The following LIPJ variants were observed in gnomAD, a reference collection of about 807,000 sequenced individuals.
The protein encoded by LIPJ is lipase member J.
In LIPJ, 33 loss-of-function variants were observed where a neutral mutation model predicts 39.8. The observed-to-expected ratio is 0.83, with a 90% CI of 0.63 to 1.11. The LOEUF (loss-of-function observed/expected upper bound fraction) is 1.11, where lower values mean the gene tolerates loss of function less well. Ranked by LOEUF, LIPJ falls within the 50% of genes least tolerant of loss-of-function variation. The pLI, the probability that LIPJ is intolerant of heterozygous loss-of-function variation, is 0.00. For missense variants in LIPJ, 422 were observed against 427.9 expected (o/e 0.99, Z 0.12); for synonymous variants, 128 against 139.2 (o/e 0.92, Z 0.57).
At position 88,596,427 on chromosome 10, in the gene LIPJ, C is replaced by T. The variant is rs1851257738; in HGVS notation, c.576+11C>T. The T allele has an allele frequency of 1.3e-6, 2 of 1,487,774 alleles. No individual in the cohort carries two copies. Among genetic ancestry groups the T allele is most frequent in the Non-Finnish European group, 1.8e-6 (2 of 1,118,386 alleles). The allele number at this position is 1,487,774 out of a possible 1,614,324, so 92.2% of individuals were successfully genotyped here. On this transcript the variant is annotated intron_variant, in intron 7 of 10. Coordinates refer to ENST00000371939, the Ensembl canonical transcript of LIPJ. ...AAGTCAATAGTCATGGTATGTTCTACCTTTATTTTATGTCATTGATAACCC... is the reference window on the plus strand; with the variant it reads ...AAGTCAATAGTCATGGTATGTTCTATCTTTATTTTATGTCATTGATAACCC...
chr10:88,586,411 TC>T (rs1850922743), upstream of LIPJ, among the ~76,000 whole-genome samples: 1 of 152,066 alleles, frequency 6.6e-6, no homozygotes, highest in South Asian at 2.1e-4. Context: ...ATTTATTTTT[TC>T]CTAATCACCT....
upstream of LIPJ, chr10:88,583,293 G>C: frequency 6.5e-7 from 1 of 1,533,000 alleles, no homozygotes; most frequent in Admixed American, 1.9e-5. Flanking sequence ...CTTTGGTTCC[G>C]TGCTCCCTGG....
At chr10:88,612,959 T>C in the LIPJ span, among the ~76,000 whole-genome samples, 1 of 152,210 alleles carries the variant, frequency 6.6e-6, no homozygotes, top group African/African-American at 2.4e-5. Context: ...ACATGGAACA[T>C]TCTTCAAGAT....
the LIPJ span, among the ~76,000 whole-genome samples, chr10:88,617,304 T>C: frequency 1.3e-4 from 20 of 152,186 alleles, no homozygotes; most frequent in Admixed American, 1.2e-3. Flanking sequence ...CAATGATAAT[T>C]TGAGAAATCA....
chr10:88,602,602 C>T (rs868535113), exon 9 of LIPJ: 2 of 1,227,034 alleles, frequency 1.6e-6, no homozygotes, highest in Non-Finnish European at 2.2e-6. Flanking sequence ...ATTTTTCACA[C>T]AACCCAGCAG....
chr10:88,605,490 G>A (rs1564940006), intron 9 of LIPJ, 143 bp from the exon 10 acceptor site: 1 of 666,492 alleles, frequency 1.5e-6, no homozygotes. Flanking sequence ...CCTATCCAAA[G>A]GAAAAGAAGA....
the LIPJ span, among the ~76,000 whole-genome samples, chr10:88,622,138 G>C: frequency 1.3e-5 from 2 of 152,186 alleles, no homozygotes; most frequent in African/African-American, 4.8e-5. Flanking sequence ...ATGTCTGACA[G>C]TTTATTATCT....
At chr10:88,612,882 C>T in the LIPJ span, among the ~76,000 whole-genome samples, 1,110 of 152,124 alleles carry the variant, frequency 7.3e-3, 28 homozygotes, top group South Asian at 0.083. Flanking sequence ...CTATGACAAA[C>T]GTATTTAACA....
intron 4 of LIPJ, 98 bp downstream of exon 4, chr10:88,591,596 G>A: frequency 1.9e-6 from 2 of 1,059,384 alleles, no homozygotes; most frequent in Non-Finnish European, 1.3e-6. Context: ...AGCATCTTAA[G>A]ATTAAGTGAA....
chr10:88,622,979 AAATT>A, the LIPJ span, among the ~76,000 whole-genome samples: 11 of 152,274 alleles, frequency 7.2e-5, no homozygotes, highest in African/African-American at 2.6e-4. Flanking sequence ...GCTTTGATAA[AAATT>A]AAAAGAATAT....
intron 4 of LIPJ, chr10:88,591,986 A>G (rs1299597154): frequency 6.6e-6 from 1 of 151,908 alleles, no homozygotes; most frequent in African/African-American, 2.4e-5. Context: ...TTGTTAGGAG[A>G]TCTGGGTTGT....
At chr10:88,594,517 C>G in intron 5 of LIPJ, 150 bp from the exon 6 acceptor site, 1 of 462,076 alleles carries the variant, frequency 2.2e-6, no homozygotes, top group Non-Finnish European at 3.8e-6. Context: ...CCACAGAAGT[C>G]TCTATTCAGA....
the LIPJ span, among the ~76,000 whole-genome samples, chr10:88,619,604 T>C: frequency 1.3e-5 from 2 of 152,066 alleles, no homozygotes; most frequent in Non-Finnish European, 2.9e-5. Flanking sequence ...ACTGTTAAAT[T>C]CATTATTTTT....
chr10:88,583,767 A>G (rs1850803268), upstream of LIPJ: 1 of 939,840 alleles, frequency 1.1e-6, no homozygotes. Flanking sequence ...CCTGAACCTC[A>G]ATTTCTCCAT....
intron 8 of LIPJ, 34 bp from the exon 9 acceptor site, chr10:88,602,542 T>TA: frequency 6.8e-7 from 1 of 1,478,462 alleles, no homozygotes; most frequent in Non-Finnish European, 9.2e-7. Context: ...TCAACTTATA[T>TA]AAAAATGCTT....
chr10:88,590,007 G>T (rs181458273), intron 2 of LIPJ, among the ~76,000 whole-genome samples: 6 of 151,522 alleles, frequency 4.0e-5, no homozygotes, highest in Middle Eastern at 3.4e-3. Context: ...CATGCTTTTG[G>T]GGGGAGAATC....
chr10:88,583,195 A>G (rs754121109), upstream of LIPJ: 1 of 1,613,696 alleles, frequency 6.2e-7, no homozygotes, highest in Non-Finnish European at 8.5e-7. Flanking sequence ...CGCCATGGCG[A>G]GAGGGAGCAG....
the LIPJ span, among the ~76,000 whole-genome samples, chr10:88,621,976 A>G: frequency 6.6e-6 from 1 of 152,202 alleles, no homozygotes. Flanking sequence ...GCATCTGGAT[A>G]TAGTACTACC....
intron 8 of LIPJ, among the ~76,000 whole-genome samples, chr10:88,600,118 T>C (rs1185689513): frequency 1.3e-5 from 2 of 152,154 alleles, no homozygotes; most frequent in African/African-American, 4.8e-5. Context: ...TATGTTAAGT[T>C]TGTGTTTATA....
Sources: allele counts gnomAD v4.1 joint callset (sites outside exome capture counted in the v4.1 genomes callset), GRCh38; gene constraint gnomAD v4.1.1; transcripts MANE v1.5; gene names NCBI Gene and HGNC (gene_info 2026-07-23, HGNC 2026-07-21).